KIF5C: variants seen among roughly 807,000 people sequenced by gnomAD.
KIF5C encodes kinesin heavy chain isoform 5C.
Under a neutral mutation model 125.2 loss-of-function variants are expected in KIF5C, and 18 were observed. The ratio of observed to expected loss-of-function variants is 0.14; its 90% CI spans 0.10 to 0.21. KIF5C has a LOEUF of 0.21. Ranked by LOEUF, KIF5C falls within the 10% of genes least tolerant of loss-of-function variation. The probability of loss-of-function intolerance (pLI) is 1.00; values close to 1 mark genes in which losing one functional copy is unlikely to be tolerated. For missense variants in KIF5C, 780 were observed against 1,183.8 expected (o/e 0.66, Z 5.01); for synonymous variants, 405 against 434.0 (o/e 0.93, Z 0.83).
chr2:148,976,727 A>C (rs914795538), intron 12 of KIF5C, among the ~76,000 whole-genome samples: 14 of 150,088 alleles, frequency 9.3e-5, no homozygotes, highest in African/African-American at 3.5e-4. Flanking sequence ...GGCACATACC[A>C]CCACACTCAG....
Position 149,009,589 on chromosome 2 carries a change from C to T in KIF5C, c.2551-546C>T, listed in dbSNP as rs549533626. On this transcript the variant is annotated intron_variant, in intron 23 of 25. Transcript: ENST00000435030. ...ACTCCTACCTAGGGCTGGGCTGTTG[C>T]TTCTTCAATCAGCAAAAAGGCGCAG... 2.6e-5 allele frequency among the ~76,000 whole-genome samples: 4 copies of T among 152,240 alleles called. No homozygotes were observed. In the East Asian group the frequency reaches 7.8e-4, roughly 30 times the overall value.
chr2:148,984,813 CA>C (rs1681333065), intron 15 of KIF5C, among the ~76,000 whole-genome samples: 2 of 152,008 alleles, frequency 1.3e-5, no homozygotes. Flanking sequence ...TATTTTGAGA[CA>C]AACTTTTGCT....
intron 16 of KIF5C, among the ~76,000 whole-genome samples, chr2:148,992,920 G>T (rs1479965296): frequency 6.6e-6 from 1 of 152,182 alleles, no homozygotes; most frequent in Non-Finnish European, 1.5e-5. Flanking sequence ...ACATTTCGGG[G>T]CCAAGGCAAG....
intron 10 of KIF5C, among the ~76,000 whole-genome samples, chr2:148,953,153 C>G (rs949591747): frequency 6.6e-6 from 1 of 152,204 alleles, no homozygotes; most frequent in Non-Finnish European, 1.5e-5. Flanking sequence ...CTGAGTTTGT[C>G]ACAGACATTA....
chr2:149,023,727 A>C lies in KIF5C; in HGVS notation c.*657A>C, dbSNP rs80049152. The C allele has an allele frequency of 6.6e-6, 1 of 152,464 alleles. No homozygotes were observed. Among genetic ancestry groups the C allele is most frequent in the Middle Eastern group, 3.2e-3 (1 of 316 alleles). 9.4% of individuals were successfully genotyped at this position (152,464 alleles called of 1,614,324 possible). On this transcript the variant is annotated 3_prime_UTR_variant, in exon 26 of 26. Coordinates refer to ENST00000435030, the MANE Select transcript of KIF5C (RefSeq NM_004522.3). ...TAGCAGTGTAGAATTTGTTCATTCA[A>C]ATACATCTGTGTAAATGCAAAAAGT...
At chr2:148,899,496 TTTC>T (rs1373719710) in intron 1 of KIF5C, among the ~76,000 whole-genome samples, 2 of 151,596 alleles carry the variant, frequency 1.3e-5, no homozygotes, top group Non-Finnish European at 2.9e-5. Context: ...AAGGTCAGGA[TTTC>T]GAGACCAGCC....
intron 16 of KIF5C, among the ~76,000 whole-genome samples, chr2:148,991,561 C>G (rs942079699): frequency 6.6e-6 from 1 of 152,014 alleles, no homozygotes; most frequent in Admixed American, 6.6e-5. Context: ...TATGGAAAAA[C>G]AGAAACTACT....
rs11286126 is a variant in KIF5C at position 148,947,082 on chromosome 2, CA to C, written c.714+61del. ...TTCCCCTTTTATTTGCTTCATTGTG[CA>C]ATGGTATAATTTTTATGCTTTTCTA... On this transcript the variant is annotated intron_variant, in intron 8 of 25. Transcript: ENST00000435030. 4,100 of 1,535,122 alleles carry C rather than the reference CA, an allele frequency of 2.7e-3. 89 individuals carry two copies. The African/African-American group carries it at 0.049, about 18-fold the overall frequency.
chr2:148,895,852 ACACACACACACACACACACACACC>A (rs1382230499), intron 1 of KIF5C, among the ~76,000 whole-genome samples: 1 of 23,866 alleles, frequency 4.2e-5, no homozygotes, highest in Admixed American at 6.3e-4. Flanking sequence ...TGTGACACAC[ACACACACACACACACACACACACC>A]CACAGAGATC....
chr2:148,972,886 G>C (rs1222494265), intron 11 of KIF5C, among the ~76,000 whole-genome samples: 1 of 152,196 alleles, frequency 6.6e-6, no homozygotes, highest in African/African-American at 2.4e-5. Flanking sequence ...AACAATGCCA[G>C]TGTGTTTCTT....
At position 148,928,976 on chromosome 2, in the gene KIF5C, A is replaced by C. The variant is rs1682106861; in HGVS notation, c.218-305A>C. 2.0e-5 allele frequency among the ~76,000 whole-genome samples: 3 copies of C among 152,348 alleles called. No individual in the cohort carries two copies. The South Asian group carries it at 6.2e-4, about 32-fold the overall frequency. Reference sequence around the variant, plus strand: ...TCTCAAGAGATCAACTTATAGAAGAAAACTCAAATATCCTTCTACTAAAAA... The same window carrying C: ...TCTCAAGAGATCAACTTATAGAAGACAACTCAAATATCCTTCTACTAAAAA... On this transcript the variant is annotated intron_variant, in intron 2 of 25. Transcript: ENST00000435030.
chr2:149,000,322 T>A (rs1409685255), intron 19 of KIF5C, 101 bp from the exon 20 acceptor site: 1 of 1,391,796 alleles, frequency 7.2e-7, no homozygotes, highest in Admixed American at 2.3e-5. Context: ...CTGCCTTTAT[T>A]GTACAGAGCT....
intron 12 of KIF5C, among the ~76,000 whole-genome samples, chr2:148,973,907 G>A (rs1680989166): frequency 6.6e-6 from 1 of 152,196 alleles, no homozygotes; most frequent in Non-Finnish European, 1.5e-5. Flanking sequence ...CAAGGGTTGT[G>A]ACTCCCAGAA....
At chr2:148,964,504 C>CG (rs1683004617) in intron 11 of KIF5C, among the ~76,000 whole-genome samples, 1 of 152,058 alleles carries the variant, frequency 6.6e-6, no homozygotes, top group Non-Finnish European at 1.5e-5. Context: ...ACGGTCTGAG[C>CG]GGGGAGGAAG....
chr2:148,948,190 TA>T (rs374887511), intron 8 of KIF5C, among the ~76,000 whole-genome samples: 36,654 of 136,150 alleles, frequency 0.27, 4,615 homozygotes, highest in Middle Eastern at 0.36. Context: ...AACTAAAAAT[TA>T]AAAAAAAAAA....
chr2:148,881,703 C>T (rs1681359615), intron 1 of KIF5C, among the ~76,000 whole-genome samples: 1 of 152,038 alleles, frequency 6.6e-6, no homozygotes, highest in African/African-American at 2.4e-5. Context: ...CTTTGATTTC[C>T]CTTTAGTCCT....
intron 2 of KIF5C, among the ~76,000 whole-genome samples, chr2:148,923,613 A>G (rs547970075): frequency 6.6e-6 from 1 of 152,224 alleles, no homozygotes; most frequent in South Asian, 2.1e-4. Flanking sequence ...ACTCATTCAT[A>G]TATTTTTTAT....
At chr2:148,898,914 T>A (rs887016253) in intron 1 of KIF5C, among the ~76,000 whole-genome samples, 2 of 152,232 alleles carry the variant, frequency 1.3e-5, no homozygotes, top group Non-Finnish European at 2.9e-5. Flanking sequence ...CCAGAAGATA[T>A]CTGTTCCTGT....
At chr2:149,011,427 A>G (rs1682192661) in intron 24 of KIF5C, 143 bp from the exon 25 acceptor site, 1 of 1,189,380 alleles carries the variant, frequency 8.4e-7, no homozygotes, top group Non-Finnish European at 1.1e-6. Flanking sequence ...TCCCATTTTC[A>G]GAGAGATCTG....
Sources: allele counts gnomAD v4.1 joint callset (sites outside exome capture counted in the v4.1 genomes callset), GRCh38; gene constraint gnomAD v4.1.1; transcripts MANE v1.5; gene names NCBI Gene and HGNC (gene_info 2026-07-23, HGNC 2026-07-21).